The following GPC5 variants were observed in gnomAD, a reference collection of about 807,000 sequenced individuals.
GPC5 encodes glypican 5, also known as glypican-5.
In GPC5, 47 loss-of-function variants were observed where a neutral mutation model predicts 53.9. The ratio of observed to expected loss-of-function variants is 0.87; its 90% CI spans 0.69 to 1.11. The LOEUF (loss-of-function observed/expected upper bound fraction) is 1.11. Ranked by LOEUF, GPC5 falls within the 50% of genes most tolerant of loss-of-function variation. The probability of loss-of-function intolerance (pLI) is 0.00; values close to 1 mark genes in which losing one functional copy is unlikely to be tolerated. For synonymous variants in GPC5, 286 were observed against 263.3 expected (o/e 1.09, Z -0.84); for missense variants, 748 against 713.1 (o/e 1.05, Z -0.56).
intron 5 of GPC5, among the ~76,000 whole-genome samples, chr13:91,759,161 T>C (rs1196276275): frequency 6.6e-6 from 1 of 152,198 alleles, no homozygotes; most frequent in Non-Finnish European, 1.5e-5. Flanking sequence ...GAGAAAATTC[T>C]GTGTCTTTTG....
intron 7 of GPC5, among the ~76,000 whole-genome samples, chr13:92,469,915 TTTTC>T (rs556177469): frequency 6.6e-6 from 1 of 152,154 alleles, no homozygotes; most frequent in Admixed American, 6.6e-5. Context: ...GAAAATTGTT[TTTTC>T]TTTATCATGA....
chr13:91,968,456 T>G (rs1202220735), intron 6 of GPC5, among the ~76,000 whole-genome samples: 2 of 152,064 alleles, frequency 1.3e-5, no homozygotes, highest in Admixed American at 1.3e-4. Context: ...TAATGATGCT[T>G]CTTTTTTTTT....
At chr13:92,711,691 T>TA (rs1331123439) in intron 7 of GPC5, among the ~76,000 whole-genome samples, 1 of 151,944 alleles carries the variant, frequency 6.6e-6, no homozygotes, top group African/African-American at 2.4e-5. Context: ...TCTTTGACCA[T>TA]AAAAAACATC....
chr13:91,580,035 A>G (rs1407432678), intron 2 of GPC5, among the ~76,000 whole-genome samples: 1 of 151,750 alleles, frequency 6.6e-6, no homozygotes, highest in Non-Finnish European at 1.5e-5. Context: ...AACACATTTT[A>G]TTATAATTAA....
intron 5 of GPC5, among the ~76,000 whole-genome samples, chr13:91,829,484 G>A (rs750267710): frequency 4.6e-5 from 7 of 152,054 alleles, no homozygotes; most frequent in Non-Finnish European, 8.8e-5. Context: ...GATAATTATT[G>A]TGTGATTGAA....
At chr13:92,740,984 T>C (rs1889076328) in intron 7 of GPC5, among the ~76,000 whole-genome samples, 2 of 113,110 alleles carry the variant, frequency 1.8e-5, no homozygotes, top group African/African-American at 3.4e-5. Context: ...TGCTGTAGCA[T>C]ATGATCTTCA....
intron 7 of GPC5, among the ~76,000 whole-genome samples, chr13:92,757,651 C>G (rs1874949189): frequency 6.6e-6 from 1 of 151,434 alleles, no homozygotes; most frequent in Non-Finnish European, 1.5e-5. Flanking sequence ...AACAAACAAC[C>G]CCATCAAAAA....
At chr13:92,384,488 A>G (rs914858709) in intron 7 of GPC5, among the ~76,000 whole-genome samples, 4 of 152,182 alleles carry the variant, frequency 2.6e-5, no homozygotes, top group African/African-American at 9.7e-5. Flanking sequence ...CAGTTTCATC[A>G]TTTATGTAAT....
chr13:91,471,899 C>A (rs904668552), intron 2 of GPC5, among the ~76,000 whole-genome samples: 2 of 152,104 alleles, frequency 1.3e-5, no homozygotes, highest in South Asian at 2.1e-4. Context: ...CCCAAGTAAC[C>A]TAACAGATTA....
chr13:92,545,514 G>A (rs1367892260), intron 7 of GPC5, among the ~76,000 whole-genome samples: 2 of 152,284 alleles, frequency 1.3e-5, no homozygotes, highest in East Asian at 3.9e-4. Context: ...CACAATGGTT[G>A]AACTAGTTTA....
At chr13:92,516,402 C>T (rs141053680) in intron 7 of GPC5, among the ~76,000 whole-genome samples, 1 of 151,668 alleles carries the variant, frequency 6.6e-6, no homozygotes, top group Non-Finnish European at 1.5e-5. Flanking sequence ...GTTTGTAGAC[C>T]CACTAATGCA....
At chr13:91,769,941 A>AT (rs2037591722) in intron 5 of GPC5, among the ~76,000 whole-genome samples, 1 of 152,100 alleles carries the variant, frequency 6.6e-6, no homozygotes, top group African/African-American at 2.4e-5. Flanking sequence ...CAGACCTCAC[A>AT]TGTTAAGGGC....
intron 6 of GPC5, among the ~76,000 whole-genome samples, chr13:92,030,090 T>C (rs1244290910): frequency 6.6e-6 from 1 of 152,222 alleles, no homozygotes; most frequent in Non-Finnish European, 1.5e-5. Context: ...AAGTATCCAG[T>C]ATAATTTTGC....
intron 5 of GPC5, among the ~76,000 whole-genome samples, chr13:91,796,042 C>T (rs1175778161): frequency 6.6e-6 from 1 of 152,090 alleles, no homozygotes; most frequent in African/African-American, 2.4e-5. Flanking sequence ...AGGATGGTGG[C>T]CAGCCACTCC....
chr13:92,223,893 T>C (rs1566492295), intron 7 of GPC5, among the ~76,000 whole-genome samples: 1 of 152,144 alleles, frequency 6.6e-6, no homozygotes, highest in Admixed American at 6.5e-5. Flanking sequence ...GCATTTTGCA[T>C]GAAATTTGTG....
chr13:91,950,181 T>A (rs1256307145), intron 6 of GPC5, among the ~76,000 whole-genome samples: 1 of 152,060 alleles, frequency 6.6e-6, no homozygotes, highest in Non-Finnish European at 1.5e-5. Flanking sequence ...CTTTTATGAT[T>A]TGCCACCACA....
At chr13:91,608,627 T>C (rs1001253378) in intron 2 of GPC5, among the ~76,000 whole-genome samples, 10 of 152,162 alleles carry the variant, frequency 6.6e-5, no homozygotes, top group African/African-American at 2.2e-4. Flanking sequence ...GAGCTGAAAT[T>C]GCACAAAAAG....
intron 1 of GPC5, among the ~76,000 whole-genome samples, chr13:91,425,727 G>A (rs1166463820): frequency 2.6e-5 from 4 of 152,188 alleles, no homozygotes; most frequent in African/African-American, 9.6e-5. Context: ...ATACCATGGA[G>A]AGTGGGACAC....
chr13:91,741,486 G>A (rs973343931), intron 4 of GPC5, among the ~76,000 whole-genome samples: 1 of 152,146 alleles, frequency 6.6e-6, no homozygotes, highest in Non-Finnish European at 1.5e-5. Context: ...ACACAGGGAA[G>A]TGTTCAAAAT....
Sources: allele counts gnomAD v4.1 joint callset (sites outside exome capture counted in the v4.1 genomes callset), GRCh38; gene constraint gnomAD v4.1.1; transcripts MANE v1.5; gene names NCBI Gene and HGNC (gene_info 2026-07-23, HGNC 2026-07-21).